The following TRPM3 variants were observed in gnomAD, a reference collection of about 807,000 sequenced individuals.
The protein encoded by TRPM3 is long transient receptor potential channel 3.
Under a neutral mutation model 181.2 loss-of-function variants are expected in TRPM3, and 77 were observed. The ratio of observed to expected loss-of-function variants is 0.42; its 90% CI spans 0.35 to 0.51. The LOEUF is 0.51. Among genes scored for constraint, TRPM3 ranks in the 20% least tolerant of loss-of-function variants. The pLI is 0.01. For synonymous variants in TRPM3, 745 were observed against 796.4 expected, an observed-to-expected ratio of 0.94 and a Z score of 1.09; for missense variants, 1,759 against 2,196.7, an observed-to-expected ratio of 0.80 and a Z score of 3.98.
intron 1 of TRPM3, among the ~76,000 whole-genome samples, chr9:71,405,927 AC>A (rs1160534355): frequency 2.0e-5 from 3 of 152,244 alleles, no homozygotes; most frequent in Non-Finnish European, 4.4e-5. Context: ...TAGAATAAAA[AC>A]AAGAAAGATA....
rs749663810 is a variant in TRPM3 at position 71,400,544 on chromosome 9, T to C, written c.183+46109A>G. 1.2e-3 allele frequency among the ~76,000 whole-genome samples: 181 copies of C among 152,306 alleles called. 1 individual carries two copies. Among genetic ancestry groups the C allele is most frequent in the Non-Finnish European group, 7.1e-4 (48 of 68,024 alleles). On this transcript the variant is annotated intron_variant, in intron 1 of 24. Transcript: ENST00000357533. ...GAAATCTTGGTTAATATACTTCTAA[T>C]TGAGGAAGAAGTAGAATAGAAAGTA...
In TRPM3 at chr9:71,312,659, C is replaced by T. The variant is rs377471290; in HGVS notation, c.183+133994G>A. Among the ~76,000 whole-genome samples the T allele has an allele frequency of 4.6e-5, 7 of 152,224 alleles. No homozygotes were observed. The East Asian group carries it at 1.2e-3, about 25-fold the overall frequency. ...AAAACTAGGAAGTAAACAAGATGTC[C>T]TTCAGTAGATAAATGGCTAAACTGT... On this transcript the variant is annotated intron_variant, in intron 1 of 24. Coordinates refer to the TRPM3 transcript ENST00000357533.
intron 1 of TRPM3, among the ~76,000 whole-genome samples, chr9:71,248,190 G>A (rs1437158138): frequency 1.3e-5 from 2 of 152,144 alleles, no homozygotes; most frequent in Non-Finnish European, 2.9e-5. Flanking sequence ...GTTTTCCTTT[G>A]GAAAATTCTC....
rs559905120 is a variant in TRPM3 at position 71,080,431 on chromosome 9, C to T, written c.177+40747G>A. ...TGTGCCAACCATGCATTGCAAAGAT[C>T]CCCAAACTAAGAAGGGAAGCCTTGT... On this transcript the variant is annotated intron_variant, in intron 1 of 25. Coordinates refer to ENST00000677713, the MANE Select transcript of TRPM3 (RefSeq NM_001366145.2). 8.5e-5 allele frequency among the ~76,000 whole-genome samples: 13 copies of T among 152,214 alleles called. No homozygotes were observed. In the South Asian group the frequency reaches 2.7e-3, roughly 32 times the overall value.
intron 1 of TRPM3, among the ~76,000 whole-genome samples, chr9:71,307,624 AG>A (rs2087484627): frequency 6.6e-6 from 1 of 152,140 alleles, no homozygotes; most frequent in African/African-American, 2.4e-5. Flanking sequence ...AGATTTATTC[AG>A]TAGCTATTCT....
Position 70,536,304 on chromosome 9 carries a change from A to T in TRPM3, c.4809T>A (p.Ser1603Arg). The T allele has an allele frequency of 6.2e-7, 1 of 1,613,902 alleles. No individual in the cohort carries two copies. The highest frequency in any genetic ancestry group is 1.7e-4 in the Middle Eastern group (1 of 6,060). ...CCHPEREAEL[S>R]HPSSDSEENE... Reference sequence around the variant, plus strand: ...TCTCCTCACTGTCAGAGCTGGGGTGACTCAGTTCTGCTTCTCGCTCTGGAT... The same window carrying T: ...TCTCCTCACTGTCAGAGCTGGGGTGTCTCAGTTCTGCTTCTCGCTCTGGAT... The change falls in exon 26 of 26, where the codon AGT becomes AGA. Residue 1603 changes from serine (S) to arginine (R), a missense_variant. By Grantham distance (110) the Ser-to-Arg change is moderately radical (BLOSUM62 -1). This residue lies in a region of TRPM3 where 612 missense variants were observed against 590.0 expected (regional missense o/e 1.04). Coordinates refer to ENST00000677713, the MANE Select transcript of TRPM3 (RefSeq NM_001366145.2).
chr9:70,536,160 C>G lies in TRPM3; in HGVS notation c.4953G>C (p.Ser1651=), dbSNP rs143476320. 52 of 1,614,050 alleles carry G rather than the reference C, an allele frequency of 3.2e-5. No homozygotes were observed. The highest frequency in any genetic ancestry group is 1.7e-4 in the Admixed American group (10 of 60,010). Residue 1651 remains serine (S), a synonymous_variant, in exon 26 of 26, where the codon TCG becomes TCC. Transcript: ENST00000677713. ...CATATGGCGCACTTGGCTCCTCTGC[C>G]GAGTAGCTGTTGGCGCGCTCTATCT... The part of the protein sequence containing the change: ...VPKIERANSY[S]AEEPSAPYAH...
chr9:70,856,764 A>G (rs1283960771), intron 3 of TRPM3, among the ~76,000 whole-genome samples: 1 of 152,190 alleles, frequency 6.6e-6, no homozygotes, highest in Non-Finnish European at 1.5e-5. Flanking sequence ...GCTCAACCTA[A>G]TTTAATAGGG....
chr9:71,282,299 G>T (rs1231144427), intron 1 of TRPM3, among the ~76,000 whole-genome samples: 4 of 84,162 alleles, frequency 4.8e-5, no homozygotes, highest in Admixed American at 1.1e-4. Flanking sequence ...GAAAGAAAAA[G>T]AAAGAACGAA....
intron 8 of TRPM3, among the ~76,000 whole-genome samples, chr9:70,697,708 A>G (rs929358854): frequency 6.6e-6 from 1 of 152,142 alleles, no homozygotes; most frequent in African/African-American, 2.4e-5. Context: ...AATTAAGTGG[A>G]CCTCTCTGAC....
At chr9:70,635,462 AT>A (rs71505401) in intron 11 of TRPM3, among the ~76,000 whole-genome samples, 4,083 of 113,042 alleles carry the variant, frequency 0.036, 65 homozygotes, top group Middle Eastern at 0.08. Flanking sequence ...TTTGTCAGTG[AT>A]TTTTTTTTTT....
intron 8 of TRPM3, among the ~76,000 whole-genome samples, chr9:70,752,229 A>G (rs1451949969): frequency 1.3e-5 from 2 of 152,210 alleles, no homozygotes; most frequent in East Asian, 1.9e-4. Flanking sequence ...ATAGGGCACC[A>G]GGGAAGGACT....
At chr9:70,816,533 G>C (rs1310325472) in intron 6 of TRPM3, among the ~76,000 whole-genome samples, 1 of 152,120 alleles carries the variant, frequency 6.6e-6, no homozygotes, top group Non-Finnish European at 1.5e-5. Flanking sequence ...GGATAGATTT[G>C]AGAGGCTGGC....
At chr9:70,856,863 T>G (rs535773606) in intron 3 of TRPM3, among the ~76,000 whole-genome samples, 1 of 152,310 alleles carries the variant, frequency 6.6e-6, no homozygotes, top group African/African-American at 2.4e-5. Flanking sequence ...TACACTTATT[T>G]ACCTGGCCCA....
chr9:71,289,514 T>C (rs2085599064), intron 1 of TRPM3, among the ~76,000 whole-genome samples: 1 of 152,120 alleles, frequency 6.6e-6, no homozygotes. Flanking sequence ...GCTCAAGTTC[T>C]AGTGTTCAAT....
At chr9:70,596,923 C>A (rs1056816544) in intron 21 of TRPM3, among the ~76,000 whole-genome samples, 1 of 152,098 alleles carries the variant, frequency 6.6e-6, no homozygotes, top group African/African-American at 2.4e-5. Flanking sequence ...TCAACACACA[C>A]CCTGTTAATT....
chr9:70,988,844 C>G (rs2097447864), intron 1 of TRPM3, among the ~76,000 whole-genome samples: 1 of 152,140 alleles, frequency 6.6e-6, no homozygotes, highest in Non-Finnish European at 1.5e-5. Context: ...CTGAGGGTGG[C>G]CTCTAGCTGC....
chr9:71,212,366 G>A (rs1040656546), intron 1 of TRPM3, among the ~76,000 whole-genome samples: 7 of 152,086 alleles, frequency 4.6e-5, no homozygotes, highest in African/African-American at 1.4e-4. Context: ...GTAATGTTTA[G>A]TTTTAATTTA....
intron 21 of TRPM3, among the ~76,000 whole-genome samples, chr9:70,595,663 C>T (rs1475121954): frequency 6.6e-6 from 1 of 152,150 alleles, no homozygotes; most frequent in Non-Finnish European, 1.5e-5. Context: ...CACACCCACA[C>T]ATTTTTATAT....
Sources: gnomAD v4.1 joint callset for allele counts (sites outside exome capture counted in the v4.1 genomes callset) on GRCh38, gnomAD v4.1.1 for gene constraint, gnomAD v4.1.1 regional missense constraint, MANE v1.5 for transcripts, NCBI Gene and HGNC (gene_info 2026-07-23, HGNC 2026-07-21) for gene names.